Variants in DNAJB6 observed in about 807,000 individuals in gnomAD.
The protein encoded by DNAJB6 is DnaJ heat shock protein family (Hsp40) member B6.
A neutral mutation model predicts 42.7 loss-of-function variants in DNAJB6; 16 were observed. The ratio of observed to expected loss-of-function variants is 0.37; its 90% CI spans 0.25 to 0.57. The LOEUF is 0.57. Ranked by LOEUF, DNAJB6 falls within the 20% of genes least tolerant of loss-of-function variation. The probability of loss-of-function intolerance (pLI) is 0.74; values close to 1 mark genes in which losing one functional copy is unlikely to be tolerated. For synonymous variants in DNAJB6, 170 were observed against 163.5 expected, an observed-to-expected ratio of 1.04 and a Z score of -0.30; for missense variants, 347 against 416.8, an observed-to-expected ratio of 0.83 and a Z score of 1.46.
chr7:157,398,455 C>T (rs1801700072), intron 8 of DNAJB6, among the ~76,000 whole-genome samples: 1 of 152,230 alleles, frequency 6.6e-6, no homozygotes, highest in Non-Finnish European at 1.5e-5. Context: ...TTTTTATCTG[C>T]AGGAGTTTGT....
chr7:157,360,414 G>A (rs1050351831), intron 2 of DNAJB6, among the ~76,000 whole-genome samples: 1 of 152,188 alleles, frequency 6.6e-6, no homozygotes, highest in African/African-American at 2.4e-5. Flanking sequence ...TGAGATTTGG[G>A]TGGGGACATA....
intron 1 of DNAJB6, among the ~76,000 whole-genome samples, chr7:157,344,685 T>G (rs1188660559): frequency 2.0e-5 from 3 of 152,174 alleles, no homozygotes; most frequent in African/African-American, 7.2e-5. Context: ...TGCGTTCACG[T>G]CTCACTAGCA....
chr7:157,390,081 G>A (rs1210268391), intron 8 of DNAJB6, among the ~76,000 whole-genome samples: 2 of 152,244 alleles, frequency 1.3e-5, no homozygotes, highest in Admixed American at 6.5e-5. Flanking sequence ...GTCCTGGCAG[G>A]TGTGCCCTGG....
intron 8 of DNAJB6, among the ~76,000 whole-genome samples, chr7:157,405,712 G>A (rs1035824311): frequency 6.6e-6 from 1 of 152,208 alleles, no homozygotes; most frequent in South Asian, 2.1e-4. Context: ...CCGAACCTCA[G>A]GGCTGATCCC....
chr7:157,407,480 G>A (rs189472719), intron 8 of DNAJB6, among the ~76,000 whole-genome samples: 16 of 152,360 alleles, frequency 1.1e-4, no homozygotes, highest in Non-Finnish European at 2.9e-5. Context: ...TCATGGCGGA[G>A]TATTGGGTGC....
chr7:157,355,669 G>A (rs888309927), intron 1 of DNAJB6, among the ~76,000 whole-genome samples: 3 of 152,192 alleles, frequency 2.0e-5, no homozygotes, highest in South Asian at 2.1e-4. Context: ...GAAGTGGAGC[G>A]GCTAAGGGTA....
At chr7:157,376,501 A>G (rs980219986) in intron 5 of DNAJB6, among the ~76,000 whole-genome samples, 7 of 152,212 alleles carry the variant, frequency 4.6e-5, no homozygotes, top group African/African-American at 1.7e-4. Flanking sequence ...TCTGAGCCAA[A>G]TATAAGTGAC....
chr7:157,354,219 C>G (rs915836165), intron 1 of DNAJB6, among the ~76,000 whole-genome samples: 8 of 152,054 alleles, frequency 5.3e-5, no homozygotes, highest in Non-Finnish European at 1.5e-5. Context: ...GCGATCTCGG[C>G]TCACCGCAGC....
chr7:157,398,279 A>T (rs1309249252), intron 8 of DNAJB6, among the ~76,000 whole-genome samples: 3 of 152,132 alleles, frequency 2.0e-5, no homozygotes, highest in African/African-American at 4.8e-5. Flanking sequence ...CCATCTTCTG[A>T]TGGGCCAGGC....
At chr7:157,399,133 G>A (rs532291327) in intron 8 of DNAJB6, among the ~76,000 whole-genome samples, 3 of 152,210 alleles carry the variant, frequency 2.0e-5, no homozygotes, top group Non-Finnish European at 4.4e-5. Context: ...TCTTAAGGAT[G>A]TTTGTAGAAG....
intron 8 of DNAJB6, among the ~76,000 whole-genome samples, chr7:157,397,719 C>T (rs1468900228): frequency 6.6e-6 from 1 of 152,210 alleles, no homozygotes; most frequent in Admixed American, 6.5e-5. Flanking sequence ...CTGGAGCCAC[C>T]TCTTCATAAG....
chr7:157,386,883 C>CAA (rs112149325), intron 8 of DNAJB6, among the ~76,000 whole-genome samples: 13,328 of 132,766 alleles, frequency 0.1, 1,017 homozygotes, highest in African/African-American at 0.22. Flanking sequence ...GCCTTCATCT[C>CAA]AAAAAAAAAA....
At chr7:157,415,333 T>G (rs2116695461) in intron 9 of DNAJB6, 1 of 152,366 alleles carries the variant, frequency 6.6e-6, no homozygotes, top group South Asian at 2.1e-4. Flanking sequence ...TTCAGCTGGA[T>G]CAGTCAGTGT....
At chr7:157,407,920 A>G (rs566996435) in intron 8 of DNAJB6, among the ~76,000 whole-genome samples, 2 of 152,252 alleles carry the variant, frequency 1.3e-5, no homozygotes, top group East Asian at 3.9e-4. Flanking sequence ...GCGCCCTGGC[A>G]TGTTTCCTCC....
At chr7:157,374,463 TG>T (rs1307677940) in intron 5 of DNAJB6, among the ~76,000 whole-genome samples, 1 of 152,098 alleles carries the variant, frequency 6.6e-6, no homozygotes, top group African/African-American at 2.4e-5. Flanking sequence ...TTCTTCATGT[TG>T]GTCAGGTTGG....
intron 8 of DNAJB6, among the ~76,000 whole-genome samples, chr7:157,400,426 G>A (rs1335251353): frequency 2.3e-5 from 3 of 128,636 alleles, no homozygotes; most frequent in Non-Finnish European, 4.9e-5. Context: ...GAGAGCTTTC[G>A]CTGGCACCGA....
At chr7:157,385,277 A>G (rs1047417848) in intron 7 of DNAJB6, among the ~76,000 whole-genome samples, 5 of 152,208 alleles carry the variant, frequency 3.3e-5, no homozygotes, top group Non-Finnish European at 7.3e-5. Flanking sequence ...AATCATTAAT[A>G]GTAAAGCCTT....
At chr7:157,338,306 C>T (rs966176157) in intron 1 of DNAJB6, among the ~76,000 whole-genome samples, 15 of 151,966 alleles carry the variant, frequency 9.9e-5, no homozygotes, top group African/African-American at 3.4e-4. Context: ...CCACCCGTCC[C>T]GCGTTCTCTC....
intron 1 of DNAJB6, among the ~76,000 whole-genome samples, chr7:157,357,236 TTCCTTCCTTCCTTCCTTCCTTCCTTCCG>T (rs1445033908): frequency 5.0e-5 from 4 of 80,764 alleles, no homozygotes; most frequent in South Asian, 8.5e-4. Flanking sequence ...CCTTCCTTCC[TTCCTTCCTTCCTTCCTTCCTTCCTTCCG>T]TCCTTCCTTC....
Sources: gnomAD v4.1 joint callset for allele counts (sites outside exome capture counted in the v4.1 genomes callset) on GRCh38, gnomAD v4.1.1 for gene constraint, MANE v1.5 for transcripts, NCBI Gene and HGNC (gene_info 2026-07-23, HGNC 2026-07-21) for gene names.